DTNB: variants seen among roughly 807,000 people sequenced by gnomAD.
DTNB encodes the protein DTN-B.
In DTNB, 63 loss-of-function variants were observed where a neutral mutation model predicts 90.7. The ratio of observed to expected loss-of-function variants is 0.69; its 90% CI spans 0.57 to 0.86. The LOEUF is 0.86. Ranked by LOEUF, DTNB falls within the 40% of genes least tolerant of loss-of-function variation. DTNB has a pLI of 0.00. For synonymous variants in DTNB, 277 were observed against 286.7 expected (o/e 0.97, Z 0.34); for missense variants, 744 against 807.1 (o/e 0.92, Z 0.95).
chr2:25,548,803 C>T (rs1228043229), intron 8 of DTNB, among the ~76,000 whole-genome samples: 1 of 152,102 alleles, frequency 6.6e-6, no homozygotes, highest in Non-Finnish European at 1.5e-5. Flanking sequence ...ATTCTGGCTG[C>T]TATATTTAGA....
intron 12 of DTNB, among the ~76,000 whole-genome samples, chr2:25,437,759 C>CA: frequency 6.6e-6 from 1 of 152,090 alleles, no homozygotes; most frequent in Non-Finnish European, 1.5e-5. Context: ...TGATTTCTTT[C>CA]AAAAAATAAG....
At chr2:25,413,305 G>A (rs1281927912) in intron 16 of DTNB, among the ~76,000 whole-genome samples, 1 of 150,968 alleles carries the variant, frequency 6.6e-6, no homozygotes, top group Non-Finnish European at 1.5e-5. Flanking sequence ...TAGGGTACAT[G>A]TGCACAACGT....
chr2:25,416,230 C>T (rs938936291), intron 16 of DTNB, among the ~76,000 whole-genome samples: 9 of 152,120 alleles, frequency 5.9e-5, no homozygotes, highest in African/African-American at 2.2e-4. Flanking sequence ...GAAAGAGATC[C>T]TGGTAGTAGT....
chr2:25,650,282 G>A (rs955122343), intron 2 of DTNB: 13 of 976,234 alleles, frequency 1.3e-5, no homozygotes, highest in Non-Finnish European at 1.6e-5. Flanking sequence ...TTCATGAAGT[G>A]AAGTCAGGGA....
intron 8 of DTNB, among the ~76,000 whole-genome samples, chr2:25,560,520 G>A (rs1456207312): frequency 1.3e-5 from 2 of 151,286 alleles, no homozygotes; most frequent in Non-Finnish European, 3.0e-5. Flanking sequence ...GACCCAAACT[G>A]AAAGATCAAC....
chr2:25,613,735 G>A (rs745395740), intron 4 of DTNB, among the ~76,000 whole-genome samples: 3 of 151,752 alleles, frequency 2.0e-5, no homozygotes, highest in Non-Finnish European at 4.4e-5. Context: ...CAAGGTGGGC[G>A]GATCATGAGG....
intron 9 of DTNB, among the ~76,000 whole-genome samples, chr2:25,513,966 G>A: frequency 6.7e-6 from 1 of 148,610 alleles, no homozygotes; most frequent in Non-Finnish European, 1.5e-5. Context: ...GTAAAATAAA[G>A]TCCTTGTCTC....
At chr2:25,651,520 C>T (rs193238404) in intron 2 of DTNB, among the ~76,000 whole-genome samples, 51 of 152,320 alleles carry the variant, frequency 3.3e-4, no homozygotes, top group African/African-American at 1.2e-3. Flanking sequence ...CCATTAGAAG[C>T]TCCGAACTAC....
At chr2:25,574,752 A>G (rs2060401258) in intron 8 of DTNB, among the ~76,000 whole-genome samples, 2 of 152,228 alleles carry the variant, frequency 1.3e-5, no homozygotes, top group South Asian at 2.1e-4. Context: ...TACGTTTATC[A>G]CACTAGCTTC....
intron 10 of DTNB, among the ~76,000 whole-genome samples, chr2:25,466,283 C>T (rs1449109550): frequency 2.0e-5 from 3 of 152,110 alleles, no homozygotes; most frequent in African/African-American, 4.8e-5. Flanking sequence ...TGCAGTGAGG[C>T]GAGATTGTGC....
chr2:25,588,474 T>C (rs1446066066), intron 6 of DTNB, among the ~76,000 whole-genome samples: 1 of 152,110 alleles, frequency 6.6e-6, no homozygotes. Context: ...CAAGCGATTC[T>C]CTGGCCTCAG....
chr2:25,378,231 G>A (rs2036426122), intron 20 of DTNB, among the ~76,000 whole-genome samples: 1 of 152,234 alleles, frequency 6.6e-6, no homozygotes, highest in Non-Finnish European at 1.5e-5. Flanking sequence ...GGCTTGCTTG[G>A]GAAAGGGCCT....
chr2:25,633,799 A>ATG lies in DTNB; in HGVS notation c.148+5213_148+5214dup, dbSNP rs543265974. Among the ~76,000 whole-genome samples, 293 of 142,244 alleles carry ATG rather than the reference A, an allele frequency of 2.1e-3. 3 individuals are homozygous for ATG. Among genetic ancestry groups the ATG allele is most frequent in the African/African-American group, 7.4e-3 (275 of 37,182 alleles). 93.3% of individuals were successfully genotyped at this position (142,244 alleles called of 152,430 possible). A position where few individuals can be genotyped will look rare whatever the true frequency, so the allele number is the denominator to read the frequency against. ...TCTGCCCGGCCGCTCATCGTCTGAGATGTGGGGAGCGCCTCTGCCCCGCCA... is the reference window on the plus strand; with the variant it reads ...TCTGCCCGGCCGCTCATCGTCTGAGATGTGTGGGGAGCGCCTCTGCCCCGCCA... On this transcript the variant is annotated intron_variant, in intron 3 of 20. Coordinates refer to ENST00000406818, the MANE Select transcript of DTNB (RefSeq NM_021907.5).
intron 9 of DTNB, among the ~76,000 whole-genome samples, chr2:25,508,499 G>GTTT (rs1180516635): frequency 7.6e-6 from 1 of 132,424 alleles, no homozygotes; most frequent in African/African-American, 3.0e-5. Context: ...TTTCTTTTTT[G>GTTT]TTTGTTTTTT....
intron 4 of DTNB, among the ~76,000 whole-genome samples, chr2:25,612,821 GAT>G (rs1472708645): frequency 2.0e-5 from 3 of 152,116 alleles, no homozygotes; most frequent in Admixed American, 1.3e-4. Flanking sequence ...GAATGAACTA[GAT>G]ATATACAGAC....
chr2:25,534,993 G>A (rs1304740881), intron 8 of DTNB, among the ~76,000 whole-genome samples: 1 of 134,046 alleles, frequency 7.5e-6, no homozygotes. Flanking sequence ...CCTCCCAGAC[G>A]AAGAGCGGCC....
chr2:25,389,500 A>T (rs1296504299), intron 16 of DTNB, among the ~76,000 whole-genome samples: 1 of 152,232 alleles, frequency 6.6e-6, no homozygotes, highest in Non-Finnish European at 1.5e-5. Flanking sequence ...GAAAGTTTGG[A>T]GCAATGGGAT....
At position 25,632,127 on chromosome 2, in the gene DTNB, G is replaced by A. The variant is rs867810496; in HGVS notation, c.149-3743C>T. 3.6e-5 allele frequency among the ~76,000 whole-genome samples: 5 copies of A among 139,972 alleles called. No homozygotes were observed. In the South Asian group the frequency reaches 8.8e-4, roughly 25 times the overall value. 91.8% of individuals were successfully genotyped at this position (139,972 alleles called of 152,430 possible). A position where few individuals can be genotyped will look rare whatever the true frequency, so the allele number is the denominator to read the frequency against. ...GGAGAATCGCTTGAACCTGGGAGGC[G>A]AAGTGCAGTAAGCTGAAATCTCAGC... is the stretch of plus-strand genomic sequence containing the variant. On this transcript the variant is annotated intron_variant, in intron 3 of 20. Coordinates refer to ENST00000406818, the MANE Select transcript of DTNB (RefSeq NM_021907.5).
intron 1 of DTNB, among the ~76,000 whole-genome samples, chr2:25,665,707 CCTTG>C (rs1033394151): frequency 5.3e-5 from 8 of 151,414 alleles, no homozygotes; most frequent in Admixed American, 4.6e-4. Context: ...AAGAGAACTT[CCTTG>C]CTTATTTCAG....
Sources: allele counts gnomAD v4.1 joint callset (sites outside exome capture counted in the v4.1 genomes callset), GRCh38; gene constraint gnomAD v4.1.1; transcripts MANE v1.5; gene names NCBI Gene and HGNC (gene_info 2026-07-23, HGNC 2026-07-21).